DACT3: variants seen among roughly 807,000 people sequenced by gnomAD.
The protein encoded by DACT3 is dapper homolog 3.
In DACT3, 5 loss-of-function variants were observed where a neutral mutation model predicts 19.6. That is an observed-to-expected ratio of 0.26 (90% confidence interval 0.13 to 0.54). DACT3 has a LOEUF of 0.54. Ranked by LOEUF, DACT3 falls within the 20% of genes least tolerant of loss-of-function variation. DACT3 has a pLI of 0.95. For missense variants in DACT3, 908 were observed against 927.4 expected (o/e 0.98, Z 0.27); for synonymous variants, 454 against 428.1 (o/e 1.06, Z -0.75).
At chr19:46,654,511 G>T in intron 1 of DACT3, 33 of 931,540 alleles carry the variant, frequency 3.5e-5, no homozygotes, top group Admixed American at 6.3e-5. Context: ...AAAAGAAAAA[G>T]AAATTTCCAT....
chr19:46,658,343 T>C (rs1198580601), intron 1 of DACT3, among the ~76,000 whole-genome samples: 1 of 152,148 alleles, frequency 6.6e-6, no homozygotes, highest in Non-Finnish European at 1.5e-5. Flanking sequence ...CAGTGAGCTA[T>C]GATCGTGCCA....
At position 46,652,992 on chromosome 19, in the gene DACT3, GCT is replaced by G; in HGVS notation, c.331_332del (p.Ser111ArgfsTer3). The G allele has an allele frequency of 1.9e-6, 3 of 1,551,200 alleles. No individual in the cohort carries two copies. Among genetic ancestry groups the G allele is most frequent in the Non-Finnish European group, 2.6e-6 (3 of 1,147,002 alleles). Reference sequence around the variant, plus strand: ...ATCCATGCTCACCCGAGCTACGCCCGCTCTCCTGTTCCAGGCCCCCAGACTCC... The same window carrying G: ...ATCCATGCTCACCCGAGCTACGCCCGCTCCTGTTCCAGGCCCCCAGACTCC... ...SLESGGLEQE[S>X]GRSSGFYEDP... On this transcript the variant is annotated frameshift_variant, in exon 2 of 4. Transcript: ENST00000391916. LOFTEE classifies it high-confidence loss of function.
At chr19:46,651,290 T>C in intron 3 of DACT3, 1 of 151,862 alleles carries the variant, frequency 6.6e-6, no homozygotes, top group Non-Finnish European at 1.5e-5. Flanking sequence ...ACCATGTTGG[T>C]CAGGCTGGTC....
In DACT3 at chr19:46,649,615, T is replaced by A; in HGVS notation, c.757A>T (p.Ile253Phe). 8.8e-7 allele frequency: 1 copy of A among 1,136,826 alleles called. No homozygotes were observed. Among genetic ancestry groups the A allele is most frequent in the Non-Finnish European group, 1.1e-6 (1 of 924,510 alleles). 70.4% of individuals were successfully genotyped at this position (1,136,826 alleles called of 1,614,324 possible). Reference sequence around the variant, plus strand: ...CGGCGCCTGCGCAGGAGCGCCGAGATGTAGCCGTCCAGGGGCCGCCCTGCG... The same window carrying A: ...CGGCGCCTGCGCAGGAGCGCCGAGAAGTAGCCGTCCAGGGGCCGCCCTGCG... Reference protein sequence around the residue: ...GGAGRPLDGYISALLRRRRRR... With the variant: ...GGAGRPLDGYFSALLRRRRRR... Residue 253 changes from isoleucine (I) to phenylalanine (F), a missense_variant, in exon 4 of 4, where the codon ATC becomes TTC. Ile to Phe is a conservative substitution (Grantham distance 21). Transcript: ENST00000391916.
chr19:46,649,652 G>C lies in DACT3; in HGVS notation c.720C>G (p.Pro240=), dbSNP rs1304624844. Residue 240 remains proline, a synonymous_variant, in exon 4 of 4, where the codon CCC becomes CCG. Coordinates refer to ENST00000391916, the MANE Select transcript of DACT3 (RefSeq NM_145056.3). ...GGGGCCGCCCTGCGCCCCCCGCGTC[G>C]GGCGAGTCGGTGGGAGGGCGGCCGC... ...RPCGRPPTDS[P]DAGGAGRPLD... is the part of the protein sequence containing the mutation. The C allele has an allele frequency of 2.6e-6, 3 of 1,157,818 alleles. No individual in the cohort carries two copies. The highest frequency in any genetic ancestry group is 3.9e-5 in the South Asian group (1 of 25,600). 71.7% of individuals were successfully genotyped at this position (1,157,818 alleles called of 1,614,324 possible).
chr19:46,654,262 G>A (rs964697027), intron 1 of DACT3: 309 of 946,518 alleles, frequency 3.3e-4, no homozygotes, highest in Non-Finnish European at 3.7e-4. Flanking sequence ...CGAGGCGGGC[G>A]GATCACATGA....
rs1802065787 is a variant in DACT3 at position 46,648,049 on chromosome 19, TGA to T, written c.*431_*432del. ...GGACATGGAGGGGGCACTTTGTGAA[TGA>T]GAGGGGGCCATAGCTGGGCAAGGAA... On this transcript the variant is annotated 3_prime_UTR_variant, in exon 4 of 4. Transcript: ENST00000391916. This position sits in a 1 kb window ranked among gnomAD's most constrained non-coding sequence, Gnocchi z 5.1. The T allele has an allele frequency of 5.5e-6, 1 of 181,612 alleles. No individual in the cohort carries two copies. The highest frequency in any genetic ancestry group is 1.2e-5 in the Non-Finnish European group (1 of 85,596). 11.3% of individuals were successfully genotyped at this position (181,612 alleles called of 1,614,324 possible).
At chr19:46,658,536 T>G (rs1256174439) in intron 1 of DACT3, among the ~76,000 whole-genome samples, 1 of 152,196 alleles carries the variant, frequency 6.6e-6, no homozygotes, top group Non-Finnish European at 1.5e-5. Flanking sequence ...TGCCTCCTCC[T>G]CTCCAGCACC....
intron 1 of DACT3, among the ~76,000 whole-genome samples, chr19:46,657,944 C>A (rs559584431): frequency 1.3e-5 from 2 of 151,732 alleles, no homozygotes; most frequent in Non-Finnish European, 2.9e-5. Context: ...TCCAGCTACT[C>A]GGGAGGCTGA....
intron 1 of DACT3, among the ~76,000 whole-genome samples, chr19:46,657,202 T>C (rs1016310363): frequency 2.0e-5 from 3 of 152,044 alleles, no homozygotes; most frequent in Non-Finnish European, 4.4e-5. Flanking sequence ...AGGCGTGACT[T>C]GGCATCACAT....
rs1472145917 is a variant in DACT3, at chr19:46,648,588, G to A, written c.1784C>T (p.Pro595Leu). ...CACGAAGACTTTGGCGGGGCCTGCG[G>A]GCGCCCCTGCACCTGCTCCACCCCC... is the stretch of plus-strand genomic sequence containing the variant. ...ASGGGAGAGA[P>L]AGPAKVFVKI... is the part of the protein sequence containing the mutation. The change falls in exon 4 of 4, where the codon CCC becomes CTC. Residue 595 changes from proline (P) to leucine (L), a missense_variant. Pro to Leu is a moderately conservative substitution (Grantham distance 98). This residue lies in a region of DACT3 where 656 missense variants were observed against 601.8 expected (regional missense o/e 1.09). Transcript: ENST00000391916. The surrounding 1 kb of genome is among the most constrained non-coding windows in gnomAD (Gnocchi z 5.1). 6.2e-7 allele frequency: 1 copy of A among 1,613,570 alleles called. No individual in the cohort carries two copies. The highest frequency in any genetic ancestry group is 8.5e-7 in the Non-Finnish European group (1 of 1,179,750).
rs184957360 is a variant in DACT3, at chr19:46,655,149, A to G, written c.250-2074T>C. The G allele has an allele frequency of 1.3e-5, 9 of 695,634 alleles. No individual in the cohort carries two copies. In the East Asian group the frequency reaches 1.1e-3, roughly 83 times the overall value. 43.1% of individuals were successfully genotyped at this position (695,634 alleles called of 1,614,324 possible). A position where few individuals can be genotyped will look rare whatever the true frequency, so the allele number is the denominator to read the frequency against. On this transcript the variant is annotated intron_variant, in intron 1 of 3. Transcript: ENST00000391916. ...CCACCGTCCCTCGAACATACCATGT[A>G]TGCGCCTACCTCGGGAGAATGTTTC...
intron 1 of DACT3, chr19:46,659,112 C>A (rs2053054129): frequency 4.1e-6 from 4 of 984,990 alleles, no homozygotes; most frequent in Non-Finnish European, 4.8e-6. Context: ...CTAATCCACT[C>A]TTCAGAGGGA....
intron 1 of DACT3, chr19:46,659,186 C>T (rs939519567): frequency 5.1e-6 from 5 of 985,190 alleles, no homozygotes; most frequent in Non-Finnish European, 6.0e-6. Flanking sequence ...CTCCTCCCCC[C>T]GCCTGCCACC....
chr19:46,655,901 G>GTCTC (rs140521907), intron 1 of DACT3, among the ~76,000 whole-genome samples: 14,594 of 131,244 alleles, frequency 0.11, 917 homozygotes, highest in South Asian at 0.28. Context: ...GTGAGACCCA[G>GTCTC]TCTCTCTCTC....
intron 1 of DACT3, chr19:46,654,149 A>G: frequency 2.0e-6 from 2 of 985,332 alleles, no homozygotes. Flanking sequence ...CACTCCCACC[A>G]GGAAGCTCCA....
Position 46,649,778 on chromosome 19 carries a change from G to A in DACT3, c.594C>T (p.Ala198=). Residue 198 remains alanine, a synonymous_variant, in exon 4 of 4, where the codon GCC becomes GCT. Coordinates refer to ENST00000391916, the MANE Select transcript of DACT3 (RefSeq NM_145056.3). The part of the protein sequence containing the change: ...SAPYPTAGGS[A]GPEACSSAER... ...CCGCCGAGGAGCAGGCCTCCGGGCC[G>A]GCGGACCCCCCTGCCGTCGGGTAGG... The A allele has an allele frequency of 4.5e-6, 6 of 1,331,404 alleles. No homozygotes were observed. Among genetic ancestry groups the A allele is most frequent in the Middle Eastern group, 2.8e-4 (1 of 3,556 alleles). 82.5% of individuals were successfully genotyped at this position (1,331,404 alleles called of 1,614,324 possible).
chr19:46,653,860 C>T (rs2053010160), intron 1 of DACT3, among the ~76,000 whole-genome samples: 1 of 152,166 alleles, frequency 6.6e-6, no homozygotes, highest in East Asian at 1.9e-4. Context: ...AGCCTCTCCC[C>T]GTCTTTGACC....
chr19:46,648,676 C>T lies in DACT3; in HGVS notation c.1696G>A (p.Asp566Asn). The T allele has an allele frequency of 2.5e-6, 4 of 1,611,890 alleles. No homozygotes were observed. The highest frequency in any genetic ancestry group is 3.4e-6 in the Non-Finnish European group (4 of 1,179,382). The part of the protein sequence containing the change: ...ESPAFSSASS[D>N]SDGSGGLVWP... ...ACGAGGCCACCGCTGCCGTCTGAGTCGCTGGAGGCAGAGCTGAAGGCAGGC... is the reference window on the plus strand; with the variant it reads ...ACGAGGCCACCGCTGCCGTCTGAGTTGCTGGAGGCAGAGCTGAAGGCAGGC... Residue 566 changes from aspartate to asparagine, a missense_variant, in exon 4 of 4, where the codon GAC (aspartate) becomes AAC (asparagine). Physicochemically the swap from Asp to Asn is conservative, Grantham distance 23 (BLOSUM62 1). Coordinates refer to ENST00000391916, the MANE Select transcript of DACT3 (RefSeq NM_145056.3). This position sits in a 1 kb window ranked among gnomAD's most constrained non-coding sequence, Gnocchi z 5.1.
Sources: gnomAD v4.1 joint callset for allele counts (sites outside exome capture counted in the v4.1 genomes callset) on GRCh38, gnomAD v4.1.1 for gene constraint, gnomAD v4.1.1 regional missense constraint, Gnocchi (gnomAD v3.1) non-coding constraint, MANE v1.5 for transcripts, NCBI Gene and HGNC (gene_info 2026-07-23, HGNC 2026-07-21) for gene names.